The following KCMF1 variants were observed in gnomAD, a reference collection of about 807,000 sequenced individuals.
KCMF1 encodes the protein E3 ubiquitin-protein ligase KCMF1.
In KCMF1, 3 loss-of-function variants were observed where a neutral mutation model predicts 41.1. The observed-to-expected ratio is 0.07, with a 90% confidence interval of 0.03 to 0.19. KCMF1 has a LOEUF of 0.19. Ranked by LOEUF, KCMF1 falls within the 10% of genes least tolerant of loss-of-function variation. KCMF1 has a pLI of 1.00. For synonymous variants in KCMF1, 142 were observed against 164.5 expected, an observed-to-expected ratio of 0.86 and a Z score of 1.04; for missense variants, 286 against 488.9, an observed-to-expected ratio of 0.58 and a Z score of 3.91.
chr2:85,042,903 C>T (rs1172986582), intron 3 of KCMF1, among the ~76,000 whole-genome samples: 1 of 152,140 alleles, frequency 6.6e-6, no homozygotes, highest in Non-Finnish European at 1.5e-5. Flanking sequence ...CCATCTCTTG[C>T]CAAGAGGCCC....
intron 2 of KCMF1, among the ~76,000 whole-genome samples, chr2:85,032,711 C>G (rs1675305509): frequency 6.6e-6 from 1 of 152,014 alleles, no homozygotes; most frequent in African/African-American, 2.4e-5. Flanking sequence ...TGGGGTTTTC[C>G]TAGTTGGCCA....
At chr2:85,045,900 C>G (rs970167229) in intron 4 of KCMF1, among the ~76,000 whole-genome samples, 3 of 152,188 alleles carry the variant, frequency 2.0e-5, no homozygotes, top group African/African-American at 7.2e-5. Flanking sequence ...CACACACACA[C>G]ACTCACATGT....
At position 85,046,255 on chromosome 2, in the gene KCMF1, G is replaced by T; in HGVS notation, c.578G>T (p.Arg193Met). The T allele has an allele frequency of 6.2e-7, 1 of 1,612,802 alleles. No homozygotes were observed. The highest frequency in any genetic ancestry group is 1.1e-5 in the South Asian group (1 of 90,880). Residue 193 changes from arginine (R) to methionine (M), a missense_variant, in exon 5 of 7, where the codon AGG (arginine) becomes ATG (methionine). This residue lies in a region of KCMF1 where 191 missense variants were observed against 279.3 expected (regional missense o/e 0.68). Coordinates refer to ENST00000409785, the MANE Select transcript of KCMF1 (RefSeq NM_020122.5). ...CAGAGTTCATATTCTCCAAGCAATA[G>T]GGAAGCCATGGATCCTATAGCTGGT... ...SSQSSYSPSN[R>M]EAMDPIAELL...
intron 1 of KCMF1, among the ~76,000 whole-genome samples, chr2:84,981,857 G>T (rs1171605535): frequency 6.6e-6 from 1 of 152,014 alleles, no homozygotes; most frequent in African/African-American, 2.4e-5. Context: ...CAGCTCAGCT[G>T]CAGCCTCCGC....
At chr2:85,016,199 A>C (rs1389067750) in intron 1 of KCMF1, among the ~76,000 whole-genome samples, 2 of 152,118 alleles carry the variant, frequency 1.3e-5, no homozygotes, top group African/African-American at 4.8e-5. Context: ...CTCCTGGATC[A>C]TGCTCTCCCC....
At chr2:85,015,322 A>G (rs778971228) in intron 1 of KCMF1, among the ~76,000 whole-genome samples, 1 of 152,026 alleles carries the variant, frequency 6.6e-6, no homozygotes, top group Non-Finnish European at 1.5e-5. Flanking sequence ...TGTCCCAGGC[A>G]CTCTTTATCC....
At position 85,053,703 on chromosome 2, in the gene KCMF1, TCTC is replaced by T; in HGVS notation, c.*295_*297del. ...TTCAAACTGAAGAGGAAAATTGAAA[TCTC>T]TAATGAAGCTGCTGTGTGTATTTAT... On this transcript the variant is annotated 3_prime_UTR_variant, in exon 7 of 7. Transcript: ENST00000409785. 1 of 281,934 alleles carries T rather than the reference TCTC, an allele frequency of 3.5e-6. No individual in the cohort carries two copies. Among genetic ancestry groups the T allele is most frequent in the Non-Finnish European group, 6.7e-6 (1 of 150,220 alleles). 17.5% of individuals were successfully genotyped at this position (281,934 alleles called of 1,614,324 possible). A position where few individuals can be genotyped will look rare whatever the true frequency, so the allele number is the denominator to read the frequency against.
At chr2:85,023,144 C>G (rs1674988691) in intron 1 of KCMF1, among the ~76,000 whole-genome samples, 1 of 151,818 alleles carries the variant, frequency 6.6e-6, no homozygotes, top group Non-Finnish European at 1.5e-5. Flanking sequence ...GCCTCGGCCT[C>G]CCAAAGTGCT....
At chr2:85,000,629 A>G (rs1674303567) in intron 1 of KCMF1, among the ~76,000 whole-genome samples, 1 of 152,168 alleles carries the variant, frequency 6.6e-6, no homozygotes, top group Non-Finnish European at 1.5e-5. Context: ...GGAATGTTAA[A>G]CAGTCTTTGG....
chr2:85,018,795 ATTTTTT>A (rs34627507), intron 1 of KCMF1, among the ~76,000 whole-genome samples: 2,657 of 73,372 alleles, frequency 0.036, 14 homozygotes, highest in Middle Eastern at 0.11. Context: ...CAGAACTTTG[ATTTTTT>A]TTTTTTTTTT....
intron 1 of KCMF1, among the ~76,000 whole-genome samples, chr2:85,023,809 A>G (rs1675015797): frequency 6.6e-6 from 1 of 152,172 alleles, no homozygotes; most frequent in South Asian, 2.1e-4. Context: ...GGTTGTGCTG[A>G]TTTACACTCC....
chr2:84,998,241 G>A (rs1473897914), intron 1 of KCMF1, among the ~76,000 whole-genome samples: 2 of 150,212 alleles, frequency 1.3e-5, no homozygotes, highest in African/African-American at 2.5e-5. Flanking sequence ...ACAGGTGCAC[G>A]CCACCATGCC....
rs375967244 is a variant in KCMF1 at position 85,051,274 on chromosome 2, G to T, written c.884+1626G>T. 2.6e-5 allele frequency among the ~76,000 whole-genome samples: 4 copies of T among 152,204 alleles called. No individual in the cohort carries two copies. The East Asian group carries it at 7.7e-4, about 29-fold the overall frequency. ...CCATGTAGCCTTCCCCATAGGGACT[G>T]ACCAGCAGCAGGTCTATAACATACC... On this transcript the variant is annotated intron_variant, in intron 6 of 6. Coordinates refer to ENST00000409785, the MANE Select transcript of KCMF1 (RefSeq NM_020122.5).
chr2:84,984,852 C>T (rs950813949), intron 1 of KCMF1, among the ~76,000 whole-genome samples: 5 of 151,920 alleles, frequency 3.3e-5, no homozygotes, highest in Non-Finnish European at 7.4e-5. Flanking sequence ...AAAGAAACTT[C>T]TATTATTTAT....
chr2:85,049,353 T>C lies in KCMF1; in HGVS notation c.602-13T>C. The C allele has an allele frequency of 6.2e-7, 1 of 1,610,540 alleles. No individual in the cohort carries two copies. The highest frequency in any genetic ancestry group is 8.5e-7 in the Non-Finnish European group (1 of 1,176,966). Reference sequence around the variant, plus strand: ...ATTAAGCAGACATTAATTGTCTTCATTTCCATTGGCAGAGCTTTTATCTCA... The same window carrying C: ...ATTAAGCAGACATTAATTGTCTTCACTTCCATTGGCAGAGCTTTTATCTCA... On this transcript the variant is annotated splice_polypyrimidine_tract_variant and intron_variant, in intron 5 of 6. Coordinates refer to ENST00000409785, the MANE Select transcript of KCMF1 (RefSeq NM_020122.5).
intron 1 of KCMF1, among the ~76,000 whole-genome samples, chr2:85,024,570 G>A (rs1020109956): frequency 7.1e-6 from 1 of 141,590 alleles, no homozygotes; most frequent in Non-Finnish European, 1.6e-5. Context: ...GAGAGAGAGA[G>A]AGAGAGAGAG....
In KCMF1 at chr2:85,031,942, A is replaced by G. The variant is rs148863019; in HGVS notation, c.185-3074A>G. On this transcript the variant is annotated intron_variant, in intron 2 of 6. Transcript: ENST00000409785. ...TTTTGTAGAGGTGAAGTCTTGTTAC[A>G]TTGTAAAGGCTTGTCTCAAACTCCT... Among the ~76,000 whole-genome samples, 1,177 of 152,230 alleles carry G rather than the reference A, an allele frequency of 7.7e-3. 6 individuals are homozygous for G. The highest frequency in any genetic ancestry group is 0.02 in the Middle Eastern group (6 of 294).
intron 1 of KCMF1, among the ~76,000 whole-genome samples, chr2:84,998,912 TCTTA>T (rs1674243771): frequency 6.8e-6 from 1 of 147,752 alleles, no homozygotes; most frequent in African/African-American, 2.5e-5. Context: ...GTGCTGGGCC[TCTTA>T]CCTATCTATC....
At chr2:84,977,113 A>C (rs747451290) in intron 1 of KCMF1, among the ~76,000 whole-genome samples, 1 of 152,102 alleles carries the variant, frequency 6.6e-6, no homozygotes, top group Non-Finnish European at 1.5e-5. Context: ...TCCCAGGCTC[A>C]AGTGATCCTC....
Sources: gnomAD v4.1 joint callset for allele counts (sites outside exome capture counted in the v4.1 genomes callset) on GRCh38, gnomAD v4.1.1 for gene constraint, gnomAD v4.1.1 regional missense constraint, MANE v1.5 for transcripts, NCBI Gene and HGNC (gene_info 2026-07-23, HGNC 2026-07-21) for gene names.